Variants in DGKB observed in about 807,000 individuals in gnomAD.
DGKB encodes the protein 90 kDa diacylglycerol kinase.
DGKB carries 67 observed loss-of-function variants against 114.3 expected under a neutral mutation model. The observed-to-expected ratio is 0.59, with a 90% CI of 0.48 to 0.72. DGKB has a LOEUF of 0.72. DGKB is among the 30% of genes least tolerant of loss of function. DGKB has a pLI of 0.00. For synonymous variants in DGKB, 398 were observed against 323.1 expected, an observed-to-expected ratio of 1.23 and a Z score of -2.49; for missense variants, 907 against 975.2, an observed-to-expected ratio of 0.93 and a Z score of 0.93.
intron 21 of DGKB, among the ~76,000 whole-genome samples, chr7:14,453,096 T>C (rs1034589210): frequency 2.0e-5 from 3 of 152,166 alleles, no homozygotes; most frequent in African/African-American, 7.2e-5. Context: ...CTGTTCTTAG[T>C]GCTTTAGATG....
intron 23 of DGKB, among the ~76,000 whole-genome samples, chr7:14,281,247 A>G (rs532872742): frequency 6.6e-6 from 1 of 152,018 alleles, no homozygotes; most frequent in Admixed American, 6.5e-5. Context: ...ACCAACAAAG[A>G]TCAAAAGAGA....
chr7:14,393,099 C>A (rs1264916143), intron 21 of DGKB, among the ~76,000 whole-genome samples: 1 of 151,112 alleles, frequency 6.6e-6, no homozygotes, highest in Non-Finnish European at 1.5e-5. Flanking sequence ...ACGCCATTCT[C>A]CTGCCTCAGC....
At chr7:14,757,759 G>C in intron 2 of DGKB, 28 bp from the exon 3 acceptor site, 2 of 1,334,554 alleles carry the variant, frequency 1.5e-6, no homozygotes, top group Non-Finnish European at 2.1e-6. Context: ...CACAAAAATT[G>C]TTTATATGCA....
chr7:14,180,761 T>C (rs912606548), intron 23 of DGKB, among the ~76,000 whole-genome samples: 23 of 152,310 alleles, frequency 1.5e-4, no homozygotes, highest in Middle Eastern at 3.4e-3. Flanking sequence ...AGGGTCCTGA[T>C]TGATTTCAGA....
rs181701982 is a variant in DGKB, at chr7:14,877,901, T to C, written c.-188+24691A>G. On this transcript the variant is annotated intron_variant, in intron 1 of 25. Transcript: ENST00000402815. ...AATCAAACTCCCAGCTTTGAGGGAG[T>C]GATTATCATGTTATAAATTTTTTAT... Among the ~76,000 whole-genome samples the C allele has an allele frequency of 4.5e-3, 681 of 151,882 alleles. 4 individuals are homozygous for C. The highest frequency in any genetic ancestry group is 0.021 in the South Asian group (103 of 4,806).
Position 14,373,668 on chromosome 7 carries a change from G to T in DGKB, c.1836-28277C>A, listed in dbSNP as rs115248195. ...TCTCACCTAGGACTTCTTTTCTCCT[G>T]CTCTATCTTGGCTATCCATATTCTC... On this transcript the variant is annotated intron_variant, in intron 21 of 25. Coordinates refer to ENST00000402815, the MANE Select transcript of DGKB (RefSeq NM_001350709.2). Among the ~76,000 whole-genome samples, 1,051 of 152,088 alleles carry T rather than the reference G, an allele frequency of 6.9e-3. 16 individuals carry two copies. Among genetic ancestry groups the T allele is most frequent in the African/African-American group, 0.024 (990 of 41,522 alleles).
At chr7:14,562,213 T>C (rs1430590378) in intron 20 of DGKB, among the ~76,000 whole-genome samples, 3 of 152,204 alleles carry the variant, frequency 2.0e-5, no homozygotes, top group Non-Finnish European at 4.4e-5. Context: ...AATTGAGGTT[T>C]GGAAACCTCC....
chr7:14,780,881 C>T (rs1838984128), intron 2 of DGKB, among the ~76,000 whole-genome samples: 1 of 152,196 alleles, frequency 6.6e-6, no homozygotes, highest in African/African-American at 2.4e-5. Context: ...CACTTACTTG[C>T]CTTTTTTTAT....
At chr7:14,633,651 T>A (rs935123179) in intron 13 of DGKB, among the ~76,000 whole-genome samples, 3 of 151,746 alleles carry the variant, frequency 2.0e-5, no homozygotes, top group African/African-American at 7.2e-5. Context: ...AATGTTTTGG[T>A]TTTTTTGAAA....
chr7:14,709,544 T>C (rs931620341), intron 6 of DGKB, among the ~76,000 whole-genome samples: 1 of 124,498 alleles, frequency 8.0e-6, no homozygotes, highest in Admixed American at 8.9e-5. Context: ...TTATTCACAA[T>C]AGCAAAGACT....
intron 1 of DGKB, among the ~76,000 whole-genome samples, chr7:14,940,343 C>T (rs1419752249): frequency 6.9e-6 from 1 of 145,840 alleles, no homozygotes; most frequent in Non-Finnish European, 1.5e-5. Flanking sequence ...GTCTTCAAGC[C>T]TTTTTTTTTT....
In DGKB at chr7:14,274,538, T is replaced by C. The variant is rs148431306; in HGVS notation, c.2122+63977A>G. ...CAGACTTATAGTTTCTCACTCTGTATTGTTTCTAACTTTATGTGTGTCTTA... is the reference window on the plus strand; with the variant it reads ...CAGACTTATAGTTTCTCACTCTGTACTGTTTCTAACTTTATGTGTGTCTTA... On this transcript the variant is annotated intron_variant, in intron 23 of 25. Transcript: ENST00000402815. 3.9e-3 allele frequency among the ~76,000 whole-genome samples: 592 copies of C among 152,280 alleles called. 3 individuals carry two copies. The highest frequency in any genetic ancestry group is 0.014 in the African/African-American group (573 of 41,556).
intron 2 of DGKB, among the ~76,000 whole-genome samples, chr7:14,821,343 G>T (rs1844903238): frequency 6.6e-6 from 1 of 152,050 alleles, no homozygotes; most frequent in African/African-American, 2.4e-5. Context: ...AGAAACTAAA[G>T]ATGATGAACA....
intron 20 of DGKB, among the ~76,000 whole-genome samples, chr7:14,498,833 A>G (rs1014507255): frequency 6.6e-6 from 1 of 151,772 alleles, no homozygotes; most frequent in Non-Finnish European, 1.5e-5. Flanking sequence ...CGGTAAGTTT[A>G]CCAATTGCTC....
chr7:14,921,655 G>A (rs1046916005), intron 1 of DGKB, among the ~76,000 whole-genome samples: 10 of 152,066 alleles, frequency 6.6e-5, no homozygotes, highest in African/African-American at 2.2e-4. Flanking sequence ...ATAATACACA[G>A]GAAAGCTCCT....
intron 2 of DGKB, among the ~76,000 whole-genome samples, chr7:14,803,059 A>T (rs1377610708): frequency 6.6e-6 from 1 of 152,056 alleles, no homozygotes; most frequent in African/African-American, 2.4e-5. Context: ...AGAGATGTCA[A>T]TGTAGGCCTT....
At chr7:14,285,039 AAAG>A (rs1800653966) in intron 23 of DGKB, among the ~76,000 whole-genome samples, 1 of 152,070 alleles carries the variant, frequency 6.6e-6, no homozygotes, top group African/African-American at 2.4e-5. Context: ...ATAATAAAAA[AAAG>A]AAATGTATTG....
rs997192498 is a variant in DGKB, at chr7:14,754,030, C to G, written c.148-82G>C. 1.2e-5 allele frequency: 12 copies of G among 1,012,950 alleles called. No homozygotes were observed. The African/African-American group carries it at 1.8e-4, about 15-fold the overall frequency. The allele number at this position is 1,012,950 out of a possible 1,614,324, so 62.7% of individuals were successfully genotyped here. ...TTATCTCATATCTCTGATTATTTAG[C>G]TAAAAGTTCAAGTTTACAGGTTGAT... On this transcript the variant is annotated intron_variant, in intron 3 of 25. Transcript: ENST00000402815.
intron 5 of DGKB, among the ~76,000 whole-genome samples, chr7:14,723,597 A>T (rs1829579869): frequency 6.7e-6 from 1 of 150,240 alleles, no homozygotes; most frequent in Non-Finnish European, 1.5e-5. Context: ...ATACACATAC[A>T]CACACATATA....
Sources: allele counts gnomAD v4.1 joint callset (sites outside exome capture counted in the v4.1 genomes callset), GRCh38; gene constraint gnomAD v4.1.1; transcripts MANE v1.5; gene names NCBI Gene and HGNC (gene_info 2026-07-23, HGNC 2026-07-21).